Variants in PSMB2 observed in about 807,000 individuals in gnomAD.
The protein encoded by PSMB2 is proteasome 20S subunit beta 2.
Under a neutral mutation model 25.7 loss-of-function variants are expected in PSMB2, and 13 were observed. The observed-to-expected ratio is 0.51, with a 90% CI of 0.33 to 0.80. The LOEUF is 0.80. Among genes scored for constraint, PSMB2 ranks in the 30% least tolerant of loss-of-function variants. The pLI, the probability that PSMB2 is intolerant of heterozygous loss-of-function variation, is 0.02. For missense variants in PSMB2, 202 were observed against 259.0 expected, an observed-to-expected ratio of 0.78 and a Z score of 1.51; for synonymous variants, 87 against 96.2, an observed-to-expected ratio of 0.90 and a Z score of 0.56.
intron 3 of PSMB2, among the ~76,000 whole-genome samples, chr1:35,629,351 T>G (rs1373716971): frequency 6.6e-6 from 1 of 152,238 alleles, no homozygotes; most frequent in Non-Finnish European, 1.5e-5. Flanking sequence ...TGAACTTTCC[T>G]AGCACATCCT....
intron 1 of PSMB2, among the ~76,000 whole-genome samples, chr1:35,639,904 A>G (rs1417453879): frequency 1.3e-5 from 2 of 152,200 alleles, no homozygotes; most frequent in Non-Finnish European, 2.9e-5. Context: ...ATTTACATTA[A>G]TTCATTAACC....
chr1:35,611,477 C>T (rs1390742095), intron 3 of PSMB2, among the ~76,000 whole-genome samples: 2 of 152,006 alleles, frequency 1.3e-5, no homozygotes, highest in South Asian at 2.1e-4. Flanking sequence ...TGAGCAGCTA[C>T]GACTATAGGC....
intron 5 of PSMB2, 109 bp downstream of exon 5, chr1:35,605,124 G>A (rs1023060879): frequency 2.9e-6 from 3 of 1,017,528 alleles, no homozygotes; most frequent in Non-Finnish European, 4.5e-6. Flanking sequence ...TAGTGGGTAT[G>A]TATTACACCT....
At chr1:35,608,159 G>A (rs904239821) in intron 4 of PSMB2, among the ~76,000 whole-genome samples, 4 of 152,196 alleles carry the variant, frequency 2.6e-5, no homozygotes, top group African/African-American at 7.2e-5. Flanking sequence ...GAAGTCAGGA[G>A]TTCTGGACCA....
chr1:35,600,447 T>G lies in PSMB2; in HGVS notation c.*2820A>C. On this transcript the variant is annotated 3_prime_UTR_variant, in exon 6 of 6. Coordinates refer to ENST00000373237, the MANE Select transcript of PSMB2 (RefSeq NM_002794.5). Reference sequence around the variant, plus strand: ...CATTACAGAAACTGAATAAGGGGTATAAGGACACCATATTATCTTTGCAAC... The same window carrying G: ...CATTACAGAAACTGAATAAGGGGTAGAAGGACACCATATTATCTTTGCAAC... 2 of 891,116 alleles carry G rather than the reference T, an allele frequency of 2.2e-6. No homozygotes were observed. The highest frequency in any genetic ancestry group is 1.2e-3 in the Middle Eastern group (2 of 1,722). The allele number at this position is 891,116 out of a possible 1,614,324, so 55.2% of individuals were successfully genotyped here.
intron 3 of PSMB2, among the ~76,000 whole-genome samples, chr1:35,630,853 A>T (rs531061951): frequency 1.3e-5 from 2 of 152,250 alleles, no homozygotes; most frequent in Admixed American, 1.3e-4. Flanking sequence ...GATTACTGTC[A>T]ATATAGGCTC....
intron 3 of PSMB2, among the ~76,000 whole-genome samples, chr1:35,610,048 A>G (rs1650285375): frequency 6.6e-6 from 1 of 152,226 alleles, no homozygotes; most frequent in Non-Finnish European, 1.5e-5. Context: ...CACTGACTGA[A>G]AAAAGCAGAT....
chr1:35,607,413 T>A (rs1285126119), intron 4 of PSMB2, among the ~76,000 whole-genome samples: 1 of 151,982 alleles, frequency 6.6e-6, no homozygotes, highest in African/African-American at 2.4e-5. Flanking sequence ...CCAACAAATA[T>A]ATGGAAAAAA....
At chr1:35,620,004 C>T (rs925120922) in intron 3 of PSMB2, among the ~76,000 whole-genome samples, 2 of 152,032 alleles carry the variant, frequency 1.3e-5, no homozygotes, top group Non-Finnish European at 2.9e-5. Flanking sequence ...TTTAAGATTC[C>T]ATATACCGTT....
chr1:35,610,015 G>A (rs916011597), intron 3 of PSMB2, among the ~76,000 whole-genome samples: 5 of 152,122 alleles, frequency 3.3e-5, no homozygotes, highest in Admixed American at 1.3e-4. Context: ...TGAAACCAAC[G>A]AACAATTCTG....
intron 2 of PSMB2, 80 bp from the exon 3 acceptor site, chr1:35,631,424 C>T (rs1030468196): frequency 1.3e-5 from 21 of 1,590,860 alleles, no homozygotes; most frequent in African/African-American, 4.0e-5. Flanking sequence ...TACCCCTGTT[C>T]CTAAAGCCCA....
In PSMB2 at chr1:35,605,233, C is replaced by T; in HGVS notation, c.498G>A (p.Glu166=). 4 of 1,611,438 alleles carry T rather than the reference C, an allele frequency of 2.5e-6. No homozygotes were observed. Among genetic ancestry groups the T allele is most frequent in the Admixed American group, 1.7e-5 (1 of 59,414 alleles). ...AVELLRKCLE[E]LQKRFILNLP... ...TCAGGATCCTATGGGAACTACTCAC[C>T]TCCTCCAGACATTTCCTAAGGAGTT... The change falls in exon 5 of 6, where the codon GAG becomes GAA. Residue 166 remains glutamate (E), a splice_region_variant and synonymous_variant. Transcript: ENST00000373237.
rs887955163 is a variant in PSMB2 at position 35,599,741 on chromosome 1, C to A, written c.*3526G>T. 3.0e-6 allele frequency: 3 copies of A among 983,788 alleles called. No homozygotes were observed. In the African/African-American group the frequency reaches 5.3e-5, roughly 17 times the overall value. 60.9% of individuals were successfully genotyped at this position (983,788 alleles called of 1,614,324 possible). A position where few individuals can be genotyped will look rare whatever the true frequency, so the allele number is the denominator to read the frequency against. On this transcript the variant is annotated 3_prime_UTR_variant, in exon 6 of 6. Transcript: ENST00000373237. The stretch of plus-strand genomic sequence containing the variant: ...TAGTTTTTTAAAATATGGAGAAAGA[C>A]CTGGAGAGGGAAGAGATTAAAAGTA...
chr1:35,633,256 C>G (rs930106686), intron 2 of PSMB2, among the ~76,000 whole-genome samples: 1 of 151,178 alleles, frequency 6.6e-6, no homozygotes, highest in African/African-American at 2.4e-5. Context: ...GGAACCTAGA[C>G]AAGTGGGAAT....
chr1:35,604,840 T>C (rs1650112815), intron 5 of PSMB2, among the ~76,000 whole-genome samples: 1 of 152,132 alleles, frequency 6.6e-6, no homozygotes, highest in Non-Finnish European at 1.5e-5. Context: ...TTACCACCTG[T>C]AGGAAAATCA....
intron 3 of PSMB2, among the ~76,000 whole-genome samples, chr1:35,613,788 A>C (rs2148566017): frequency 6.6e-6 from 1 of 152,358 alleles, no homozygotes; most frequent in Admixed American, 6.5e-5. Context: ...TGACTTTAGA[A>C]AAGTTAGTCA....
chr1:35,624,273 T>C (rs1398735197), intron 3 of PSMB2, among the ~76,000 whole-genome samples: 1 of 152,196 alleles, frequency 6.6e-6, no homozygotes, highest in African/African-American at 2.4e-5. Flanking sequence ...AACCATCCAA[T>C]CAAATGCTTG....
chr1:35,629,450 C>T (rs1465397636), intron 3 of PSMB2, among the ~76,000 whole-genome samples: 1 of 152,106 alleles, frequency 6.6e-6, no homozygotes, highest in Non-Finnish European at 1.5e-5. Context: ...AGAATAGCAA[C>T]AAGGCTAGAA....
chr1:35,613,960 C>A (rs1650413800), intron 3 of PSMB2, among the ~76,000 whole-genome samples: 1 of 152,126 alleles, frequency 6.6e-6, no homozygotes, highest in Admixed American at 6.5e-5. Context: ...TCAGGAGAAG[C>A]CCAACTACTT....
Sources: allele counts gnomAD v4.1 joint callset (sites outside exome capture counted in the v4.1 genomes callset), GRCh38; gene constraint gnomAD v4.1.1; transcripts MANE v1.5; gene names NCBI Gene and HGNC (gene_info 2026-07-23, HGNC 2026-07-21).